Variants in CDH12 observed in about 807,000 individuals in gnomAD.
The protein encoded by CDH12 is cadherin 12.
Under a neutral mutation model 74.1 loss-of-function variants are expected in CDH12, and 41 were observed. The observed-to-expected ratio is 0.55, with a 90% CI of 0.43 to 0.72. The LOEUF is 0.72. CDH12 is among the 30% of genes least tolerant of loss of function. CDH12 has a pLI of 0.00. For synonymous variants in CDH12, 399 were observed against 355.0 expected (o/e 1.12, Z -1.39); for missense variants, 945 against 977.2 (o/e 0.97, Z 0.44).
rs1739909142 is a variant in CDH12 at position 22,578,489 on chromosome 5, A to T, written c.-522-73125T>A. Among the ~76,000 whole-genome samples, 3 of 152,270 alleles carry T rather than the reference A, an allele frequency of 2.0e-5. No individual in the cohort carries two copies. The South Asian group carries it at 6.2e-4, about 32-fold the overall frequency. ...TTTTGTGTGTAAGTGCTCCTAAAACAAGCATCACTCTTTTGTAGAATACGG... is the reference window on the plus strand; with the variant it reads ...TTTTGTGTGTAAGTGCTCCTAAAACTAGCATCACTCTTTTGTAGAATACGG... On this transcript the variant is annotated intron_variant, in intron 1 of 14. Transcript: ENST00000382254.
chr5:22,715,623 T>C (rs1385279040), intron 1 of CDH12, among the ~76,000 whole-genome samples: 1 of 151,634 alleles, frequency 6.6e-6, no homozygotes, highest in East Asian at 1.9e-4. Context: ...ACCAACATGG[T>C]GATCCCGTCT....
At chr5:22,093,901 C>T (rs1355258714) in intron 4 of CDH12, among the ~76,000 whole-genome samples, 1 of 151,956 alleles carries the variant, frequency 6.6e-6, no homozygotes, top group Non-Finnish European at 1.5e-5. Flanking sequence ...AAACAAGGTC[C>T]CAATTCATGT....
chr5:22,306,792 T>C lies in CDH12; in HGVS notation c.-332-94149A>G, dbSNP rs991670688. On this transcript the variant is annotated intron_variant, in intron 3 of 14. Transcript: ENST00000382254. ...GTACATCAGTGCTGCTTAAGATACT[T>C]ATAAATATTAGGAATAAAATGGAGA... Among the ~76,000 whole-genome samples, 9 of 152,288 alleles carry C rather than the reference T, an allele frequency of 5.9e-5. No individual in the cohort carries two copies. The South Asian group carries it at 1.7e-3, about 28-fold the overall frequency.
At chr5:22,408,713 T>G (rs1194253564) in intron 2 of CDH12, among the ~76,000 whole-genome samples, 1 of 151,576 alleles carries the variant, frequency 6.6e-6, no homozygotes, top group African/African-American at 2.4e-5. Flanking sequence ...GCTGCCCACA[T>G]CACTAAATTA....
Position 21,783,341 on chromosome 5 carries a change from GTC to G in CDH12, c.1393+15_1393+16del. On this transcript the variant is annotated intron_variant, in intron 11 of 14. Coordinates refer to ENST00000382254, the MANE Select transcript of CDH12 (RefSeq NM_004061.5). ...AGAACTGCAGTATAACATTGATTCT[GTC>G]CATGCCATACTTACTAACTTTACTC... 1 of 1,607,236 alleles carries G rather than the reference GTC, an allele frequency of 6.2e-7. No individual in the cohort carries two copies.
chr5:22,627,455 A>G (rs1478949484), intron 1 of CDH12, among the ~76,000 whole-genome samples: 1 of 151,714 alleles, frequency 6.6e-6, no homozygotes, highest in Non-Finnish European at 1.5e-5. Context: ...TAAAAAAAAA[A>G]AAAGAAACTC....
chr5:22,576,220 G>A (rs2126774340), intron 1 of CDH12, among the ~76,000 whole-genome samples: 1 of 152,260 alleles, frequency 6.6e-6, no homozygotes, highest in African/African-American at 2.4e-5. Context: ...GTTGCATGAT[G>A]GCCATGCGCA....
At position 21,759,936 on chromosome 5, in the gene CDH12, A is replaced by G. The variant is rs527926841; in HGVS notation, c.1633+622T>C. Among the ~76,000 whole-genome samples, 395 of 152,180 alleles carry G rather than the reference A, an allele frequency of 2.6e-3. 6 individuals are homozygous for G. Among genetic ancestry groups the G allele is most frequent in the Non-Finnish European group, 2.9e-3 (195 of 67,974 alleles). On this transcript the variant is annotated intron_variant, in intron 13 of 14. Transcript: ENST00000382254. Reference sequence around the variant, plus strand: ...CCACTTATAAGTGAGAACATGCAGTATTTGATCTTCTGTTCCTGTGTTAGT... The same window carrying G: ...CCACTTATAAGTGAGAACATGCAGTGTTTGATCTTCTGTTCCTGTGTTAGT...
At chr5:22,231,979 G>T (rs1008147979) in intron 3 of CDH12, among the ~76,000 whole-genome samples, 21 of 151,706 alleles carry the variant, frequency 1.4e-4, no homozygotes, top group Admixed American at 7.9e-4. Context: ...AACTATTTTC[G>T]AAGATATTTT....
chr5:21,908,720 A>C (rs906492372), intron 6 of CDH12, among the ~76,000 whole-genome samples: 3 of 152,172 alleles, frequency 2.0e-5, no homozygotes, highest in African/African-American at 7.2e-5. Context: ...AAAAGGGCAC[A>C]AAAGTGGGAA....
At chr5:22,758,234 C>T (rs897107976) in intron 1 of CDH12, among the ~76,000 whole-genome samples, 2 of 152,088 alleles carry the variant, frequency 1.3e-5, no homozygotes, top group Admixed American at 6.6e-5. Flanking sequence ...CTATAGCACA[C>T]ATTATAGAGT....
In CDH12 at chr5:22,360,717, A is replaced by T. The variant is rs551981900; in HGVS notation, c.-333+44540T>A. ...GCAAACTGAATCCAGCAGCATGTCA[A>T]AAAGCTTATCCACCATGATCAAGTG... is the stretch of plus-strand genomic sequence containing the variant. On this transcript the variant is annotated intron_variant, in intron 3 of 14. Coordinates refer to ENST00000382254, the MANE Select transcript of CDH12 (RefSeq NM_004061.5). 2.1e-3 allele frequency among the ~76,000 whole-genome samples: 323 copies of T among 152,324 alleles called. 2 individuals carry two copies. The highest frequency in any genetic ancestry group is 7.5e-3 in the African/African-American group (312 of 41,590).
At chr5:22,699,423 C>T (rs183523512) in intron 1 of CDH12, among the ~76,000 whole-genome samples, 2 of 152,164 alleles carry the variant, frequency 1.3e-5, no homozygotes, top group East Asian at 1.9e-4. Flanking sequence ...ACTAATGTAT[C>T]GAAATATCAG....
rs76752890 is a variant in CDH12, at chr5:22,645,379, A to T, written c.-522-140015T>A. ...TGCAGATGTGGTAGAAACTGCAAGA[A>T]AACTGTAATTAGAAGTGAAGCTGAA... On this transcript the variant is annotated intron_variant, in intron 1 of 14. Transcript: ENST00000382254. Among the ~76,000 whole-genome samples, 561 of 152,242 alleles carry T rather than the reference A, an allele frequency of 3.7e-3. 4 individuals are homozygous for T. The highest frequency in any genetic ancestry group is 7.0e-3 in the Non-Finnish European group (479 of 67,960).
intron 3 of CDH12, among the ~76,000 whole-genome samples, chr5:22,375,583 C>T (rs1414127632): frequency 6.6e-6 from 1 of 152,000 alleles, no homozygotes; most frequent in Non-Finnish European, 1.5e-5. Flanking sequence ...ATGAGGAACT[C>T]AAACAATTCA....
intron 4 of CDH12, among the ~76,000 whole-genome samples, chr5:22,147,528 T>A (rs954599375): frequency 6.6e-6 from 1 of 151,774 alleles, no homozygotes; most frequent in Non-Finnish European, 1.5e-5. Flanking sequence ...TTGAAAAGTA[T>A]CTGTATTAGT....
chr5:22,531,276 T>C (rs1737572602), intron 1 of CDH12, among the ~76,000 whole-genome samples: 1 of 152,100 alleles, frequency 6.6e-6, no homozygotes, highest in South Asian at 2.1e-4. Context: ...GAGAGGAGAT[T>C]AGAGTTTTCA....
rs12653445 is a variant in CDH12 at position 21,801,803 on chromosome 5, A to G, written c.1256+364T>C. ...ATTATAAAATGTATTAATGTCTATT[A>G]TACTCTAGGCACTTTCAAAGTATCT... On this transcript the variant is annotated intron_variant, in intron 10 of 14. Transcript: ENST00000382254. Among the ~76,000 whole-genome samples, 931 of 152,082 alleles carry G rather than the reference A, an allele frequency of 6.1e-3. 5 individuals carry two copies. The highest frequency in any genetic ancestry group is 0.012 in the South Asian group (57 of 4,828).
intron 3 of CDH12, among the ~76,000 whole-genome samples, chr5:22,220,926 A>T (rs56304621): frequency 2.0e-3 from 299 of 151,754 alleles, no homozygotes; most frequent in African/African-American, 6.9e-3. Context: ...ACTGATTCCA[A>T]TCCCAGAGAG....
Sources: gnomAD v4.1 joint callset for allele counts (sites outside exome capture counted in the v4.1 genomes callset) on GRCh38, gnomAD v4.1.1 for gene constraint, MANE v1.5 for transcripts, NCBI Gene and HGNC (gene_info 2026-07-23, HGNC 2026-07-21) for gene names.